NKX2-4: variants seen among roughly 807,000 people sequenced by gnomAD.
The protein encoded by NKX2-4 is NK2 homeobox 4, also known as homeobox protein Nkx-2.4.
Under a neutral mutation model 8.6 loss-of-function variants are expected in NKX2-4, and 6 were observed. The ratio of observed to expected loss-of-function variants is 0.70; its 90% confidence interval spans 0.38 to 1.38. The LOEUF (loss-of-function observed/expected upper bound fraction) is 1.38. NKX2-4 is among the 40% of genes most tolerant of loss of function. The pLI is 0.02. For synonymous variants in NKX2-4, 299 were observed against 272.6 expected, an observed-to-expected ratio of 1.10 and a Z score of -0.95; for missense variants, 601 against 548.4, an observed-to-expected ratio of 1.10 and a Z score of -0.96.
Position 21,395,727 on chromosome 20 carries a change from C to A in NKX2-4, c.*184G>T, listed in dbSNP as rs1042450495. 4.8e-6 allele frequency: 2 copies of A among 419,732 alleles called. No homozygotes were observed. The highest frequency in any genetic ancestry group is 4.1e-5 in the African/African-American group (2 of 48,800). The allele number at this position is 419,732 out of a possible 1,614,324, so 26.0% of individuals were successfully genotyped here. A position where few individuals can be genotyped will look rare whatever the true frequency, so the allele number is the denominator to read the frequency against. ...GGCATAATGTTACACTACTCGGTTTCCGGGCTGTCGCTGTCCCCCGCCCCC... is the reference window on the plus strand; with the variant it reads ...GGCATAATGTTACACTACTCGGTTTACGGGCTGTCGCTGTCCCCCGCCCCC... On this transcript the variant is annotated 3_prime_UTR_variant, in exon 2 of 2. Coordinates refer to ENST00000351817, the MANE Select transcript of NKX2-4 (RefSeq NM_033176.2).
chr20:21,396,364 C>T lies in NKX2-4; in HGVS notation c.612G>A (p.Leu204=), dbSNP rs768459805. 1.9e-6 allele frequency: 3 copies of T among 1,595,732 alleles called. No homozygotes were observed. The Admixed American group carries it at 5.2e-5, about 27-fold the overall frequency. The change falls in exon 2 of 2, where the codon CTG becomes CTA. Residue 204 remains leucine, a synonymous_variant. Transcript: ENST00000351817. ...VLFSQAQVYE[L]ERRFKQQKYL... ...ACTTCTGCTGCTTGAAGCGCCGCTC[C>T]AGCTCGTAGACCTGCGCCTGCGAGA...
Position 21,396,240 on chromosome 20 carries a change from G to A in NKX2-4, c.736C>T (p.Arg246Trp), listed in dbSNP as rs1466495033. ...WFQNHRYKMK[R>W]QAKDKAAQQL... ...TGCGCCGCCTTGTCCTTGGCCTGCC[G>A]TTTCATCTTGTACCGGTGGTTCTGG... The change falls in exon 2 of 2, where the codon CGG becomes TGG. Residue 246 changes from arginine (R) to tryptophan (W), a missense_variant. Transcript: ENST00000351817. 1.2e-6 allele frequency: 2 copies of A among 1,600,304 alleles called. No homozygotes were observed. Among genetic ancestry groups the A allele is most frequent in the Non-Finnish European group, 1.7e-6 (2 of 1,175,166 alleles).
chr20:21,396,729 CG>C (rs910157925), intron 1 of NKX2-4, among the ~76,000 whole-genome samples, 196 bp from the exon 2 acceptor site: 1 of 151,188 alleles, frequency 6.6e-6, no homozygotes, highest in Admixed American at 6.6e-5. Flanking sequence ...ACGCCCTCAA[CG>C]GGTCCCAGGA....
Position 21,397,235 on chromosome 20 carries a change from G to T in NKX2-4, c.165C>A (p.Pro55=). 1 of 1,233,688 alleles carries T rather than the reference G, an allele frequency of 8.1e-7. No individual in the cohort carries two copies. The highest frequency in any genetic ancestry group is 1.0e-6 in the Non-Finnish European group (1 of 993,414). 76.4% of individuals were successfully genotyped at this position (1,233,688 alleles called of 1,614,324 possible). The change falls in exon 1 of 2, where the codon CCC becomes CCA. Residue 55 remains proline, a synonymous_variant. Coordinates refer to ENST00000351817, the MANE Select transcript of NKX2-4 (RefSeq NM_033176.2). ...AAAYRAPPPG[P]SSQAATVAGM... ...CCGCCACGGTCGCCGCCTGCGAGGA[G>T]GGCCCAGGTGGCGGCGCGCGGTAGG...
rs778381057 is a variant in NKX2-4, at chr20:21,397,434, C to T, written c.-35G>A. 1.5e-6 allele frequency: 2 copies of T among 1,291,624 alleles called. No homozygotes were observed. The highest frequency in any genetic ancestry group is 3.7e-5 in the Admixed American group (1 of 26,850). The allele number at this position is 1,291,624 out of a possible 1,614,324, so 80.0% of individuals were successfully genotyped here. On this transcript the variant is annotated 5_prime_UTR_variant, in exon 1 of 2. Transcript: ENST00000351817. ...GGCAGCCAGGTAGGGGGGCCTGGGG[C>T]GCGCGCCGGCAGGACGCGGCGGCCG...
chr20:21,397,118 G>A lies in NKX2-4; in HGVS notation c.282C>T (p.His94=), dbSNP rs1265264474. 2 of 1,306,150 alleles carry A rather than the reference G, an allele frequency of 1.5e-6. No homozygotes were observed. Among genetic ancestry groups the A allele is most frequent in the South Asian group, 4.6e-5 (2 of 43,752 alleles). The allele number at this position is 1,306,150 out of a possible 1,614,324, so 80.9% of individuals were successfully genotyped here. A position where few individuals can be genotyped will look rare whatever the true frequency, so the allele number is the denominator to read the frequency against. The change falls in exon 1 of 2, where the codon CAC becomes CAT. Residue 94 remains histidine (H), a synonymous_variant. Coordinates refer to ENST00000351817, the MANE Select transcript of NKX2-4 (RefSeq NM_033176.2). ...AAAAAAAATY[H]MPPGVSQFPH... is the part of the protein sequence containing the mutation. ...GGAACTGCGAGACGCCGGGCGGCATGTGGTAGGTGGCGGCCGCCGCCGCCG... is the reference window on the plus strand; with the variant it reads ...GGAACTGCGAGACGCCGGGCGGCATATGGTAGGTGGCGGCCGCCGCCGCCG...
In NKX2-4 at chr20:21,397,033, C is replaced by G; in HGVS notation, c.367G>C (p.Ala123Pro). ...CCGCCCCGCATGCCGTCCGTGTAGGCGGGCAGCTCGCCCATGTTGCCCAGG... is the reference window on the plus strand; with the variant it reads ...CCGCCCCGCATGCCGTCCGTGTAGGGGGGCAGCTCGCCCATGTTGCCCAGG... Reference protein sequence around the residue: ...GGLGNMGELPAYTDGMRGGAA... With the variant: ...GGLGNMGELPPYTDGMRGGAA... Residue 123 changes from alanine to proline, a missense_variant, in exon 1 of 2, where the codon GCC becomes CCC. Coordinates refer to ENST00000351817, the MANE Select transcript of NKX2-4 (RefSeq NM_033176.2). 6.9e-7 allele frequency: 1 copy of G among 1,453,050 alleles called. No individual in the cohort carries two copies. The highest frequency in any genetic ancestry group is 9.1e-7 in the Non-Finnish European group (1 of 1,103,478). 90.0% of individuals were successfully genotyped at this position (1,453,050 alleles called of 1,614,324 possible).
chr20:21,396,844 C>T, intron 1 of NKX2-4, 114 bp downstream of exon 1: 1 of 975,832 alleles, frequency 1.0e-6, no homozygotes, highest in Non-Finnish European at 1.3e-6. Flanking sequence ...CGCGCGCCCG[C>T]TCGGCCCCAG....
intron 1 of NKX2-4, among the ~76,000 whole-genome samples, 161 bp downstream of exon 1, chr20:21,396,797 A>C (rs1477885815): frequency 6.9e-6 from 1 of 144,314 alleles, no homozygotes; most frequent in Non-Finnish European, 1.5e-5. Flanking sequence ...GGGTCCCCAG[A>C]AACCCCGCGC....
In NKX2-4 at chr20:21,396,803, C is replaced by T. The variant is rs570840506; in HGVS notation, c.442+155G>A. Among the ~76,000 whole-genome samples, 232 of 150,134 alleles carry T rather than the reference C, an allele frequency of 1.5e-3. 1 individual carries two copies. The highest frequency in any genetic ancestry group is 5.6e-3 in the African/African-American group (229 of 41,014). On this transcript the variant is annotated intron_variant, in intron 1 of 1. Transcript: ENST00000351817. ...GCGCGCCCAGGGTCCCCAGAAACCC[C>T]GCGCGTCCCGGGCCGCGTCCCAGGA...
chr20:21,395,941 G>C lies in NKX2-4; in HGVS notation c.1035C>G (p.Gly345=). 9.7e-6 allele frequency: 13 copies of C among 1,336,606 alleles called. No individual in the cohort carries two copies. Among genetic ancestry groups the C allele is most frequent in the South Asian group, 2.4e-5 (1 of 41,606 alleles). 82.8% of individuals were successfully genotyped at this position (1,336,606 alleles called of 1,614,324 possible). A position where few individuals can be genotyped will look rare whatever the true frequency, so the allele number is the denominator to read the frequency against. ...AAGEYSGGVL[G]ANLLYGRTW is the part of the protein sequence containing the mutation. ...ACGTCCTGCCATAGAGCAGGTTGGC[G>C]CCCAGGACGCCGCCGCTGTACTCCC... Residue 345 remains glycine, a synonymous_variant, in exon 2 of 2, where the codon GGC becomes GGG. Coordinates refer to ENST00000351817, the MANE Select transcript of NKX2-4 (RefSeq NM_033176.2).
chr20:21,396,813 G>C lies in NKX2-4; in HGVS notation c.442+145C>G, dbSNP rs2039028179. 1.3e-5 allele frequency: 9 copies of C among 698,478 alleles called. No homozygotes were observed. In the South Asian group the frequency reaches 4.7e-4, roughly 36 times the overall value. 43.3% of individuals were successfully genotyped at this position (698,478 alleles called of 1,614,324 possible). A position where few individuals can be genotyped will look rare whatever the true frequency, so the allele number is the denominator to read the frequency against. ...GGTCCCCAGAAACCCCGCGCGTCCC[G>C]GGCCGCGTCCCAGGACGCCCCGCGC... is the stretch of plus-strand genomic sequence containing the variant. On this transcript the variant is annotated intron_variant, in intron 1 of 1. Coordinates refer to ENST00000351817, the MANE Select transcript of NKX2-4 (RefSeq NM_033176.2).
In NKX2-4 at chr20:21,397,203, T is replaced by C; in HGVS notation, c.197A>G (p.Gln66Arg). 1 of 1,246,684 alleles carries C rather than the reference T, an allele frequency of 8.0e-7. No individual in the cohort carries two copies. The highest frequency in any genetic ancestry group is 1.0e-6 in the Non-Finnish European group (1 of 1,001,128). The allele number at this position is 1,246,684 out of a possible 1,614,324, so 77.2% of individuals were successfully genotyped here. ...GTGACCCGCCATGGCGTGAGAAGGC[T>C]GCATGCCCGCCACGGTCGCCGCCTG... Reference protein sequence around the residue: ...SSQAATVAGMQPSHAMAGHNA... With the variant: ...SSQAATVAGMRPSHAMAGHNA... Residue 66 changes from glutamine to arginine, a missense_variant, in exon 1 of 2, where the codon CAG becomes CGG. Coordinates refer to ENST00000351817, the MANE Select transcript of NKX2-4 (RefSeq NM_033176.2).
chr20:21,396,880 T>TCCCGCGCC (rs955606683), intron 1 of NKX2-4, 78 bp downstream of exon 1: 405 of 1,205,060 alleles, frequency 3.4e-4, no homozygotes, highest in Non-Finnish European at 3.9e-4. Context: ...GCGCACCCCG[T>TCCCGCGCC]CCCGCGCCCC....
rs2039015712 is a variant in NKX2-4, at chr20:21,396,111, T to TCTGGCACGGCTTGCCGTC, written c.847_864dup (p.Asp283_Gln288dup). On this transcript the variant is annotated inframe_insertion, in exon 2 of 2. Coordinates refer to ENST00000351817, the MANE Select transcript of NKX2-4 (RefSeq NM_033176.2). The stretch of plus-strand genomic sequence containing the variant: ...CCGGGGGTGGGCGTGCTGGCGCCGT[T>TCTGGCACGGCTTGCCGTC]CTGGCACGGCTTGCCGTCCTTGACC... 7.1e-7 allele frequency: 1 copy of TCTGGCACGGCTTGCCGTC among 1,400,590 alleles called. No homozygotes were observed. The highest frequency in any genetic ancestry group is 9.2e-7 in the Non-Finnish European group (1 of 1,082,916). The allele number at this position is 1,400,590 out of a possible 1,614,324, so 86.8% of individuals were successfully genotyped here.
chr20:21,396,695 G>A (rs971613677), intron 1 of NKX2-4, among the ~76,000 whole-genome samples, 162 bp from the exon 2 acceptor site: 3 of 149,696 alleles, frequency 2.0e-5, no homozygotes, highest in African/African-American at 7.4e-5. Flanking sequence ...CGCCCCGCGC[G>A]CCCTCGGCGG....
chr20:21,396,773 C>T (rs902929025), intron 1 of NKX2-4, among the ~76,000 whole-genome samples, 185 bp downstream of exon 1: 1 of 150,624 alleles, frequency 6.6e-6, no homozygotes, highest in African/African-American at 2.4e-5. Flanking sequence ...GTCCCAGGAC[C>T]CCCCGCGCGC....
chr20:21,396,923 G>T, intron 1 of NKX2-4, 35 bp downstream of exon 1: 1 of 1,350,674 alleles, frequency 7.4e-7, no homozygotes, highest in South Asian at 1.8e-5. Flanking sequence ...AAACGCCTGA[G>T]CCGCCCGCAG....
In NKX2-4 at chr20:21,396,277, G is replaced by C. The variant is rs181422340; in HGVS notation, c.699C>G (p.Val233=). The C allele has an allele frequency of 2.4e-3, 3,871 of 1,606,712 alleles. 73 individuals carry two copies. The Admixed American group carries it at 0.038, about 16-fold the overall frequency. ...ACCGGTGGTTCTGGAACCAGATCTT[G>C]ACCTGCGTGGGCGTCAGGTGGATCA... ...ASMIHLTPTQ[V]KIWFQNHRYK... The change falls in exon 2 of 2, where the codon GTC becomes GTG. Residue 233 remains valine, a synonymous_variant. Transcript: ENST00000351817.
Sources: allele counts gnomAD v4.1 joint callset (sites outside exome capture counted in the v4.1 genomes callset), GRCh38; gene constraint gnomAD v4.1.1; transcripts MANE v1.5; gene names NCBI Gene and HGNC (gene_info 2026-07-23, HGNC 2026-07-21).